CASTOR2: variants seen among roughly 807,000 people sequenced by gnomAD.
CASTOR2 encodes GATS protein like 2.
CASTOR2 carries 8 observed loss-of-function variants against 31.2 expected under a neutral mutation model. That is an observed-to-expected ratio of 0.26 (90% CI 0.15 to 0.46). CASTOR2 has a LOEUF of 0.46. CASTOR2 is among the 20% of genes least tolerant of loss of function. The probability of loss-of-function intolerance (pLI) is 0.99; values close to 1 mark genes in which losing one functional copy is unlikely to be tolerated. For synonymous variants in CASTOR2, 162 were observed against 158.7 expected (o/e 1.02, Z -0.16); for missense variants, 216 against 382.1 (o/e 0.57, Z 3.62).
At chr7:75,003,182 C>G (rs1205812057) in intron 1 of CASTOR2, among the ~76,000 whole-genome samples, 2 of 152,218 alleles carry the variant, frequency 1.3e-5, no homozygotes, top group Admixed American at 1.3e-4. Flanking sequence ...CGCAGTGACT[C>G]ACTCCTATAA....
In CASTOR2 at chr7:75,027,709, G is replaced by A. The variant is rs1444617141; in HGVS notation, c.*3010G>A. 2 of 388,602 alleles carry A rather than the reference G, an allele frequency of 5.1e-6. No homozygotes were observed. The highest frequency in any genetic ancestry group is 9.6e-6 in the Non-Finnish European group (2 of 208,758). The allele number at this position is 388,602 out of a possible 1,614,324, so 24.1% of individuals were successfully genotyped here. On this transcript the variant is annotated 3_prime_UTR_variant, in exon 9 of 9. Transcript: ENST00000616305. ...CCGCTCCGTGGGAGCTGCCCCCTGG[G>A]GACCCTGCTCCTCGGTCACAGGGGG...
At chr7:74,978,188 C>G (rs1168896513) in intron 1 of CASTOR2, among the ~76,000 whole-genome samples, 1 of 149,212 alleles carries the variant, frequency 6.7e-6, no homozygotes, top group Non-Finnish European at 1.5e-5. Context: ...ATTGCAACTT[C>G]CATCTCCTGG....
At chr7:75,011,952 G>A (rs1383401574) in intron 2 of CASTOR2, among the ~76,000 whole-genome samples, 1 of 151,446 alleles carries the variant, frequency 6.6e-6, no homozygotes, top group Non-Finnish European at 1.5e-5. Flanking sequence ...GGGGGACAGA[G>A]TGAGACTCCG....
Position 75,030,572 on chromosome 7 carries a change from G to A in CASTOR2, c.*5873G>A, listed in dbSNP as rs1805275123. Among the ~76,000 whole-genome samples, 1 of 152,196 alleles carries A rather than the reference G, an allele frequency of 6.6e-6. No individual in the cohort carries two copies. The highest frequency in any genetic ancestry group is 1.5e-5 in the Non-Finnish European group (1 of 68,032). The stretch of plus-strand genomic sequence containing the variant: ...AAATCTTAGCTAAGGATTGGAGGAT[G>A]CACTTCTAAGTGAGGCCTGGCTGTA... On this transcript the variant is annotated 3_prime_UTR_variant, in exon 9 of 9. Transcript: ENST00000616305.
chr7:75,011,626 C>T (rs1804747612), intron 2 of CASTOR2, among the ~76,000 whole-genome samples: 1 of 143,534 alleles, frequency 7.0e-6, no homozygotes, highest in Non-Finnish European at 1.5e-5. Context: ...GTCCCAGCTA[C>T]TTGGGAGGCT....
At position 75,007,982 on chromosome 7, in the gene CASTOR2, C is replaced by T; in HGVS notation, c.114-12C>T. 1.2e-6 allele frequency: 2 copies of T among 1,613,926 alleles called. No homozygotes were observed. The highest frequency in any genetic ancestry group is 2.2e-5 in the South Asian group (2 of 91,076). On this transcript the variant is annotated splice_polypyrimidine_tract_variant and intron_variant, in intron 1 of 8. Transcript: ENST00000616305. ...GACTAATGAGATATTCTGTGTCTGTCCATCCATCCAGGTGCAAGTTCTTCA... is the reference window on the plus strand; with the variant it reads ...GACTAATGAGATATTCTGTGTCTGTTCATCCATCCAGGTGCAAGTTCTTCA...
chr7:74,998,259 T>TG (rs1251082292), intron 1 of CASTOR2, among the ~76,000 whole-genome samples: 4 of 152,214 alleles, frequency 2.6e-5, no homozygotes, highest in African/African-American at 9.6e-5. Context: ...AGCCCTGTGC[T>TG]GGGCATGGCG....
chr7:75,020,431 A>G (rs1804967363), intron 6 of CASTOR2, among the ~76,000 whole-genome samples: 5 of 148,990 alleles, frequency 3.4e-5, no homozygotes, highest in African/African-American at 7.5e-5. Context: ...GGGTTTTGCC[A>G]TGTTGGTGAG....
intron 5 of CASTOR2, among the ~76,000 whole-genome samples, chr7:75,019,730 A>C (rs894624150): frequency 4.6e-5 from 7 of 152,330 alleles, no homozygotes; most frequent in Admixed American, 4.6e-4. Flanking sequence ...GTTTAGGCCA[A>C]CACGAGGTGG....
At chr7:75,002,784 C>G (rs1804525914) in intron 1 of CASTOR2, among the ~76,000 whole-genome samples, 1 of 151,806 alleles carries the variant, frequency 6.6e-6, no homozygotes, top group African/African-American at 2.4e-5. Flanking sequence ...CTCAGAGTGA[C>G]CTTCGAGTAT....
Position 75,029,719 on chromosome 7 carries a change from T to G in CASTOR2, c.*5020T>G, listed in dbSNP as rs1343573511. ...GGAAGAAGCACCCCCAACCTTCTAG[T>G]CCGCTCCGAGCAGGGCCTGGAGCAT... is the stretch of plus-strand genomic sequence containing the variant. On this transcript the variant is annotated 3_prime_UTR_variant, in exon 9 of 9. Transcript: ENST00000616305. Among the ~76,000 whole-genome samples the G allele has an allele frequency of 2.0e-5, 3 of 152,148 alleles. No individual in the cohort carries two copies. The highest frequency in any genetic ancestry group is 4.4e-5 in the Non-Finnish European group (3 of 68,032).
intron 4 of CASTOR2, among the ~76,000 whole-genome samples, 170 bp downstream of exon 4, chr7:75,018,292 C>T (rs2131954488): frequency 6.6e-6 from 1 of 152,304 alleles, no homozygotes; most frequent in Non-Finnish European, 1.5e-5. Context: ...GTAATCCCAG[C>T]ACTTTGGGAG....
intron 2 of CASTOR2, among the ~76,000 whole-genome samples, chr7:75,013,727 C>T (rs1179786883): frequency 7.2e-4 from 110 of 151,964 alleles, no homozygotes; most frequent in Non-Finnish European, 1.4e-3. Flanking sequence ...GTGTATATTC[C>T]GATTTTTTAC....
At chr7:75,008,970 G>A (rs1804666805) in intron 2 of CASTOR2, among the ~76,000 whole-genome samples, 1 of 151,830 alleles carries the variant, frequency 6.6e-6, no homozygotes, top group African/African-American at 2.4e-5. Context: ...TTTGTTTTTT[G>A]TTTTGAGATG....
At chr7:75,002,644 G>A (rs1430264710) in intron 1 of CASTOR2, among the ~76,000 whole-genome samples, 4 of 152,212 alleles carry the variant, frequency 2.6e-5, no homozygotes, top group Admixed American at 6.6e-5. Flanking sequence ...AAGAACATTC[G>A]TCACTGTTGG....
At chr7:75,003,488 C>G (rs1804541445) in intron 1 of CASTOR2, among the ~76,000 whole-genome samples, 3 of 151,464 alleles carry the variant, frequency 2.0e-5, no homozygotes, top group Admixed American at 2.0e-4. Context: ...TGGTGGCTCA[C>G]GCCTATAATC....
intron 1 of CASTOR2, among the ~76,000 whole-genome samples, chr7:74,996,371 A>G (rs1315939661): frequency 6.6e-6 from 1 of 151,762 alleles, no homozygotes; most frequent in Non-Finnish European, 1.5e-5. Flanking sequence ...CAGGACAACA[A>G]CTCCAGCCCA....
intron 1 of CASTOR2, among the ~76,000 whole-genome samples, chr7:74,999,461 C>T (rs1275142447): frequency 1.3e-5 from 2 of 152,030 alleles, no homozygotes; most frequent in African/African-American, 2.4e-5. Flanking sequence ...AGGAGAGACC[C>T]ATTGAAAACC....
At chr7:74,993,089 A>C (rs1417175921) in intron 1 of CASTOR2, among the ~76,000 whole-genome samples, 4 of 151,852 alleles carry the variant, frequency 2.6e-5, no homozygotes, top group African/African-American at 7.2e-5. Flanking sequence ...AGTCCCAGCT[A>C]CTCGGGAGGC....
Sources: gnomAD v4.1 joint callset for allele counts (sites outside exome capture counted in the v4.1 genomes callset) on GRCh38, gnomAD v4.1.1 for gene constraint, MANE v1.5 for transcripts, NCBI Gene and HGNC (gene_info 2026-07-23, HGNC 2026-07-21) for gene names.